Variants in CLYBL observed in about 807,000 individuals in gnomAD.
CLYBL encodes the protein citramalyl-CoA lyase, also known as citramalyl-CoA lyase, mitochondrial.
CLYBL carries 31 observed loss-of-function variants against 38.9 expected under a neutral mutation model. The ratio of observed to expected loss-of-function variants is 0.80; its 90% CI spans 0.60 to 1.08. The LOEUF is 1.08. Among genes scored for constraint, CLYBL ranks in the 50% least tolerant of loss-of-function variants. CLYBL has a pLI of 0.00. For missense variants in CLYBL, 434 were observed against 411.6 expected (o/e 1.05, Z -0.47); for synonymous variants, 171 against 158.6 (o/e 1.08, Z -0.59).
intron 1 of CLYBL, among the ~76,000 whole-genome samples, chr13:99,624,079 G>T (rs1189788511): frequency 6.6e-6 from 1 of 152,112 alleles, no homozygotes; most frequent in East Asian, 1.9e-4. Context: ...ATACCTAAAG[G>T]CCATGTCTTT....
chr13:99,753,943 C>T (rs2049003948), intron 1 of CLYBL, among the ~76,000 whole-genome samples: 1 of 150,218 alleles, frequency 6.7e-6, no homozygotes, highest in African/African-American at 2.5e-5. Context: ...CAAAACTTAG[C>T]TGGGCATGAT....
At chr13:99,784,603 C>T (rs2049744025) in intron 2 of CLYBL, among the ~76,000 whole-genome samples, 2 of 151,682 alleles carry the variant, frequency 1.3e-5, no homozygotes, top group Admixed American at 6.6e-5. Context: ...TACAGGTGCC[C>T]ACCACCAGGC....
chr13:99,618,156 T>C (rs577285852), intron 1 of CLYBL, among the ~76,000 whole-genome samples: 101 of 152,308 alleles, frequency 6.6e-4, no homozygotes, highest in African/African-American at 2.2e-3. Flanking sequence ...GTGCCTGATA[T>C]AAATTTGCAG....
At chr13:99,868,847 T>C (rs9557321) in intron 6 of CLYBL, among the ~76,000 whole-genome samples, 5,831 of 152,294 alleles carry the variant, frequency 0.038, 156 homozygotes, top group East Asian at 0.11. Context: ...TGAAGCACTA[T>C]AGGTTTTCTT....
intron 1 of CLYBL, among the ~76,000 whole-genome samples, chr13:99,762,312 A>G (rs1448173129): frequency 6.6e-6 from 1 of 152,060 alleles, no homozygotes; most frequent in Non-Finnish European, 1.5e-5. Flanking sequence ...CTTAGATTTA[A>G]GTCTTTGATC....
chr13:99,820,515 A>G (rs2050568491), intron 2 of CLYBL, among the ~76,000 whole-genome samples: 3 of 119,364 alleles, frequency 2.5e-5, no homozygotes, highest in African/African-American at 9.7e-5. Context: ...ACCTAGCTGT[A>G]TTTGTCTGAG....
intron 1 of CLYBL, chr13:99,726,288 C>G (rs149132750): frequency 5.3e-5 from 8 of 152,278 alleles, no homozygotes; most frequent in African/African-American, 1.9e-4. Context: ...CCATGCCAGG[C>G]TCATTGTCAT....
chr13:99,805,235 T>G (rs1315364234), intron 2 of CLYBL, among the ~76,000 whole-genome samples: 1 of 152,188 alleles, frequency 6.6e-6, no homozygotes, highest in African/African-American at 2.4e-5. Context: ...GGTGTACACG[T>G]GTCTGTTCGA....
intron 1 of CLYBL, among the ~76,000 whole-genome samples, chr13:99,728,520 C>T (rs1468057146): frequency 2.6e-5 from 4 of 151,614 alleles, no homozygotes; most frequent in Middle Eastern, 3.4e-3. Flanking sequence ...CCTCATGATC[C>T]GCCTCCCTCG....
At chr13:99,732,148 A>G (rs2048601634) in intron 1 of CLYBL, among the ~76,000 whole-genome samples, 1 of 148,074 alleles carries the variant, frequency 6.8e-6, no homozygotes, top group South Asian at 2.1e-4. Context: ...ATTATTTTAG[A>G]AATTTCAGCA....
chr13:99,746,027 C>G (rs895869172), intron 1 of CLYBL, among the ~76,000 whole-genome samples: 1 of 23,436 alleles, frequency 4.3e-5, no homozygotes, highest in Non-Finnish European at 1.7e-4. Context: ...ATGACAGTTA[C>G]CAAAAAAAAA....
intron 5 of CLYBL, 29 bp downstream of exon 5, chr13:99,864,940 T>C (rs1229940483): frequency 1.4e-6 from 2 of 1,447,070 alleles, no homozygotes; most frequent in Non-Finnish European, 1.9e-6. Flanking sequence ...TCTCTCTTTT[T>C]CTGTGTGTGT....
At chr13:99,770,398 A>G (rs2049361977) in intron 1 of CLYBL, among the ~76,000 whole-genome samples, 1 of 152,072 alleles carries the variant, frequency 6.6e-6, no homozygotes, top group Non-Finnish European at 1.5e-5. Context: ...GCTCACTGCA[A>G]GCTCCGCCTC....
intron 4 of CLYBL, among the ~76,000 whole-genome samples, chr13:99,863,724 G>C (rs1343864867): frequency 6.6e-6 from 1 of 152,098 alleles, no homozygotes; most frequent in Non-Finnish European, 1.5e-5. Context: ...CGTTTATCAG[G>C]GGGCATTTAT....
intron 1 of CLYBL, among the ~76,000 whole-genome samples, chr13:99,718,217 G>C (rs555083611): frequency 6.6e-4 from 101 of 152,096 alleles, no homozygotes; most frequent in Non-Finnish European, 1.4e-3. Context: ...GGAATGGGGA[G>C]ATAAGTAGGG....
intron 1 of CLYBL, among the ~76,000 whole-genome samples, chr13:99,754,937 G>T (rs960570761): frequency 6.8e-6 from 1 of 147,524 alleles, no homozygotes; most frequent in Non-Finnish European, 1.5e-5. Flanking sequence ...TCACTCTGTT[G>T]CCCAGGCTGA....
At chr13:99,771,410 T>G (rs554724724) in intron 1 of CLYBL, among the ~76,000 whole-genome samples, 1 of 152,314 alleles carries the variant, frequency 6.6e-6, no homozygotes, top group East Asian at 1.9e-4. Flanking sequence ...GTTGGCTTCA[T>G]GGACATGTAA....
At chr13:99,662,354 C>A (rs1341061062) in intron 1 of CLYBL, among the ~76,000 whole-genome samples, 1 of 152,104 alleles carries the variant, frequency 6.6e-6, no homozygotes, top group Admixed American at 6.6e-5. Flanking sequence ...TTCATTGATT[C>A]TCTTGAGCCA....
intron 7 of CLYBL, among the ~76,000 whole-genome samples, chr13:99,882,099 A>C (rs2052225213): frequency 6.6e-6 from 1 of 152,126 alleles, no homozygotes; most frequent in Non-Finnish European, 1.5e-5. Flanking sequence ...ATTACATTAA[A>C]TATAATTTAA....
Sources: allele counts gnomAD v4.1 joint callset (sites outside exome capture counted in the v4.1 genomes callset), GRCh38; gene constraint gnomAD v4.1.1; transcripts MANE v1.5; gene names NCBI Gene and HGNC (gene_info 2026-07-23, HGNC 2026-07-21).